RASEF: variants seen among roughly 807,000 people sequenced by gnomAD.
RASEF encodes the protein RAS and EF-hand domain containing, also known as ras and EF-hand domain-containing protein.
Under a neutral mutation model 90.1 loss-of-function variants are expected in RASEF, and 68 were observed. That is an observed-to-expected ratio of 0.75 (90% confidence interval 0.62 to 0.92). The LOEUF (loss-of-function observed/expected upper bound fraction) is 0.92, where lower values mean the gene tolerates loss of function less well. Ranked by LOEUF, RASEF falls within the 40% of genes least tolerant of loss-of-function variation. The pLI, the probability that RASEF is intolerant of heterozygous loss-of-function variation, is 0.00. For missense variants in RASEF, 949 were observed against 937.2 expected (o/e 1.01, Z -0.16); for synonymous variants, 331 against 345.2 (o/e 0.96, Z 0.46).
chr9:83,018,319 T>A (rs1262539663), intron 3 of RASEF, among the ~76,000 whole-genome samples: 1 of 152,210 alleles, frequency 6.6e-6, no homozygotes, highest in Non-Finnish European at 1.5e-5. Flanking sequence ...TGTATTTCTA[T>A]ACATTCACAA....
the RASEF span, among the ~76,000 whole-genome samples, chr9:83,074,447 C>A: frequency 6.6e-6 from 1 of 152,086 alleles, no homozygotes; most frequent in Non-Finnish European, 1.5e-5. Context: ...TAAAAACCAG[C>A]CATATTCCAA....
At chr9:83,190,790 G>A in the RASEF span, among the ~76,000 whole-genome samples, 7 of 151,888 alleles carry the variant, frequency 4.6e-5, no homozygotes, top group Non-Finnish European at 1.0e-4. Context: ...AGCAATGACT[G>A]GTGAAGAAAA....
the RASEF span, among the ~76,000 whole-genome samples, chr9:83,194,723 A>G: frequency 6.6e-6 from 1 of 152,198 alleles, no homozygotes; most frequent in African/African-American, 2.4e-5. Flanking sequence ...AGTCATTTGT[A>G]TCAGCATGGC....
chr9:83,035,265 G>A (rs1564084341), intron 1 of RASEF, among the ~76,000 whole-genome samples: 2 of 152,216 alleles, frequency 1.3e-5, no homozygotes, highest in East Asian at 1.9e-4. Flanking sequence ...TCACTGCAGT[G>A]TGAAAGCAGC....
At chr9:82,989,232 G>A (rs1828769300) in intron 16 of RASEF, among the ~76,000 whole-genome samples, 1 of 151,836 alleles carries the variant, frequency 6.6e-6, no homozygotes, top group African/African-American at 2.4e-5. Context: ...ATGTGTGCGT[G>A]TGTGTGTGTG....
At chr9:83,071,796 A>G in the RASEF span, among the ~76,000 whole-genome samples, 34 of 152,296 alleles carry the variant, frequency 2.2e-4, no homozygotes, top group African/African-American at 7.9e-4. Context: ...GCTGCTTCAC[A>G]TGGTATCTCC....
chr9:83,095,200 A>G, the RASEF span, among the ~76,000 whole-genome samples: 1 of 152,116 alleles, frequency 6.6e-6, no homozygotes, highest in Non-Finnish European at 1.5e-5. Context: ...AAGGGAATTA[A>G]GGAATAAAAC....
intron 1 of RASEF, among the ~76,000 whole-genome samples, chr9:83,042,020 G>A (rs1341145968): frequency 6.6e-6 from 1 of 152,076 alleles, no homozygotes; most frequent in African/African-American, 2.4e-5. Flanking sequence ...ATCAGATAAG[G>A]AAAAGCAATT....
At chr9:83,066,021 AC>A (rs1017734883), upstream of RASEF, among the ~76,000 whole-genome samples, 66 of 152,040 alleles carry the variant, frequency 4.3e-4, no homozygotes, top group African/African-American at 1.5e-3. Context: ...TAACTCATAA[AC>A]CCCCAGTGGT....
chr9:82,982,777 A>T lies in RASEF; in HGVS notation c.2123T>A (p.Val708Glu). The change falls in exon 17 of 17, where the codon GTG (valine) becomes GAG (glutamate). Residue 708 changes from valine to glutamate, a missense_variant. By Grantham distance (121) the Val-to-Glu change is moderately radical (BLOSUM62 -2). This residue lies in a region of RASEF where 288 missense variants were observed against 328.4 expected (regional missense o/e 0.88). Coordinates refer to ENST00000376447, the MANE Select transcript of RASEF (RefSeq NM_152573.4). ...GTCATCCTTGTCAGTTCTCTTTTTC[A>T]CTTCTCTGAGACAGAGATAGAGAGA... ...VEAVLHLARE[V>E]KKRTDKDDSR... The T allele has an allele frequency of 6.4e-7, 1 of 1,565,696 alleles. No homozygotes were observed. Among genetic ancestry groups the T allele is most frequent in the Non-Finnish European group, 8.8e-7 (1 of 1,138,360 alleles).
At chr9:83,089,826 C>T in the RASEF span, among the ~76,000 whole-genome samples, 45 of 152,018 alleles carry the variant, frequency 3.0e-4, no homozygotes, top group Middle Eastern at 3.4e-3. Flanking sequence ...TGGGACATTT[C>T]GGCCACTATT....
upstream of RASEF, among the ~76,000 whole-genome samples, chr9:83,066,002 C>T (rs559411734): frequency 2.6e-5 from 4 of 152,268 alleles, no homozygotes; most frequent in African/African-American, 9.6e-5. Context: ...GTTGAGGAAG[C>T]CTGTACCCTA....
chr9:83,144,393 AAAG>A, the RASEF span, among the ~76,000 whole-genome samples: 17 of 144,228 alleles, frequency 1.2e-4, no homozygotes, highest in African/African-American at 4.4e-4. Flanking sequence ...GAAAGAAAGG[AAAG>A]AAAGAAAGAA....
the RASEF span, among the ~76,000 whole-genome samples, chr9:83,146,909 T>C: frequency 6.6e-6 from 1 of 151,946 alleles, no homozygotes; most frequent in Non-Finnish European, 1.5e-5. Flanking sequence ...TAAAAGGTGA[T>C]AGTAGAATCT....
the RASEF span, among the ~76,000 whole-genome samples, chr9:83,138,746 A>C: frequency 6.6e-6 from 1 of 152,166 alleles, no homozygotes; most frequent in East Asian, 1.9e-4. Flanking sequence ...AAGGCCTCAA[A>C]GGACTGTCTG....
intron 1 of RASEF, among the ~76,000 whole-genome samples, chr9:83,034,358 C>A (rs986680806): frequency 3.3e-5 from 5 of 152,338 alleles, no homozygotes; most frequent in African/African-American, 1.2e-4. Flanking sequence ...AGTTTCTAAT[C>A]TACATTTTAA....
the RASEF span, among the ~76,000 whole-genome samples, chr9:83,147,059 T>TATAA: frequency 1.1e-4 from 16 of 147,856 alleles, no homozygotes; most frequent in South Asian, 2.1e-4. Flanking sequence ...TATATATATA[T>TATAA]AAATATGTAC....
chr9:83,181,508 C>A, the RASEF span, among the ~76,000 whole-genome samples: 3 of 152,076 alleles, frequency 2.0e-5, no homozygotes, highest in African/African-American at 7.2e-5. Context: ...CAAGAGTAGG[C>A]AGGGTGGACC....
chr9:83,056,553 T>C (rs1189257134), intron 1 of RASEF, among the ~76,000 whole-genome samples: 1 of 152,182 alleles, frequency 6.6e-6, no homozygotes, highest in African/African-American at 2.4e-5. Context: ...CCTTTCCCCA[T>C]ATGATACGGC....
Sources: gnomAD v4.1 joint callset for allele counts (sites outside exome capture counted in the v4.1 genomes callset) on GRCh38, gnomAD v4.1.1 for gene constraint, gnomAD v4.1.1 regional missense constraint, MANE v1.5 for transcripts, NCBI Gene and HGNC (gene_info 2026-07-23, HGNC 2026-07-21) for gene names.